SHANK2: variants seen among roughly 807,000 people sequenced by gnomAD.
The protein encoded by SHANK2 is SH3 and multiple ankyrin repeat domains 2, also known as SH3 and multiple ankyrin repeat domains protein 2.
Under a neutral mutation model 133.7 loss-of-function variants are expected in SHANK2, and 43 were observed. The observed-to-expected ratio is 0.32, with a 90% CI of 0.25 to 0.41. The LOEUF (loss-of-function observed/expected upper bound fraction) is 0.41, where lower values mean the gene tolerates loss of function less well. SHANK2 is among the 10% of genes least tolerant of loss of function. SHANK2 has a pLI of 1.00. For missense variants in SHANK2, 1,994 were observed against 2,235.8 expected, an observed-to-expected ratio of 0.89 and a Z score of 2.18; for synonymous variants, 1,017 against 952.8, an observed-to-expected ratio of 1.07 and a Z score of -1.24.
At chr11:70,823,948 G>A (rs1387325394) in intron 11 of SHANK2, among the ~76,000 whole-genome samples, 1 of 149,536 alleles carries the variant, frequency 6.7e-6, no homozygotes, top group African/African-American at 2.5e-5. Context: ...GAGCTCACAG[G>A]TACAGAGGTG....
rs558768320 is a variant in SHANK2 at position 70,580,247 on chromosome 11, G to T, written c.2062-77316C>A. Among the ~76,000 whole-genome samples the T allele has an allele frequency of 2.8e-4, 42 of 152,082 alleles. No homozygotes were observed. In the South Asian group the frequency reaches 7.9e-3, roughly 29 times the overall value. ...TTGGTCATTAATAAACAGGGGCGTG[G>T]GGTGGCTGGGCTGAGGCACAGCGCA... On this transcript the variant is annotated intron_variant, in intron 17 of 25. Coordinates refer to ENST00000601538, the MANE Select transcript of SHANK2 (RefSeq NM_012309.5).
chr11:70,727,304 G>T (rs1051029628), intron 14 of SHANK2, among the ~76,000 whole-genome samples: 1 of 152,230 alleles, frequency 6.6e-6, no homozygotes, highest in Non-Finnish European at 1.5e-5. Flanking sequence ...GAATAACCTG[G>T]AAGACAAAAT....
At position 71,212,695 on chromosome 11, in the gene SHANK2, G is replaced by C. The variant is rs527692528; in HGVS notation, c.-13+12002C>G. 1.2e-4 allele frequency among the ~76,000 whole-genome samples: 19 copies of C among 152,334 alleles called. No homozygotes were observed. In the East Asian group the frequency reaches 1.9e-3, roughly 15 times the overall value. On this transcript the variant is annotated intron_variant, in intron 2 of 25. Coordinates refer to ENST00000601538, the MANE Select transcript of SHANK2 (RefSeq NM_012309.5). ...CCCTGGATGAATAAACTCAATCCAA[G>C]TCCTCAAAGGGTTCCAGCAGTTTCC...
At chr11:70,643,801 T>C (rs991072413) in intron 17 of SHANK2, among the ~76,000 whole-genome samples, 7 of 152,086 alleles carry the variant, frequency 4.6e-5, no homozygotes, top group African/African-American at 1.4e-4. Flanking sequence ...TTTGCTCTCA[T>C]AGAGTTATGG....
At chr11:70,589,637 T>C (rs914225511) in intron 17 of SHANK2, among the ~76,000 whole-genome samples, 76 of 152,366 alleles carry the variant, frequency 5.0e-4, no homozygotes, top group African/African-American at 1.8e-3. Context: ...CCATAAATAG[T>C]GATTCCTCTG....
Position 70,949,611 on chromosome 11 carries a change from G to A in SHANK2, c.1108-53044C>T, listed in dbSNP as rs191529725. On this transcript the variant is annotated intron_variant, in intron 10 of 25. Transcript: ENST00000601538. Reference sequence around the variant, plus strand: ...TCCAGACTAGGGCACCAAGCCTCACGGTTGGAGTGTTTGCAGGGATCATGG... The same window carrying A: ...TCCAGACTAGGGCACCAAGCCTCACAGTTGGAGTGTTTGCAGGGATCATGG... Among the ~76,000 whole-genome samples the A allele has an allele frequency of 1.6e-3, 251 of 152,314 alleles. 3 individuals carry two copies. Among genetic ancestry groups the A allele is most frequent in the Admixed American group, 0.014 (217 of 15,308 alleles).
chr11:70,764,772 A>ACATC (rs1294735938), intron 14 of SHANK2, among the ~76,000 whole-genome samples: 1 of 148,264 alleles, frequency 6.7e-6, no homozygotes, highest in African/African-American at 2.5e-5. Context: ...ATCCACTCAC[A>ACATC]CATCCATCCA....
chr11:70,810,223 T>A (rs1036037297), intron 12 of SHANK2, among the ~76,000 whole-genome samples: 1 of 152,202 alleles, frequency 6.6e-6, no homozygotes, highest in Admixed American at 6.5e-5. Flanking sequence ...GGGGAGCTGA[T>A]GAACGCAACA....
rs1187329068 is a variant in SHANK2 at position 70,698,879 on chromosome 11, C to T, written c.1778-116G>A. ...CCTACTCCCCAAAATGTGAGATGCA[C>T]TGTCCTGGGGAAGAGTCTGGAGGAA... is the stretch of plus-strand genomic sequence containing the variant. On this transcript the variant is annotated intron_variant, in intron 14 of 25. Coordinates refer to ENST00000601538, the MANE Select transcript of SHANK2 (RefSeq NM_012309.5). 67 of 708,516 alleles carry T rather than the reference C, an allele frequency of 9.5e-5. No homozygotes were observed. In the Admixed American group the frequency reaches 1.3e-3, roughly 14 times the overall value. The allele number at this position is 708,516 out of a possible 1,614,324, so 43.9% of individuals were successfully genotyped here.
chr11:70,927,535 C>A, intron 10 of SHANK2, among the ~76,000 whole-genome samples: 1 of 152,096 alleles, frequency 6.6e-6, no homozygotes, highest in East Asian at 2.0e-4. Context: ...GAGCAGCCAT[C>A]TCCACAAGCA....
chr11:70,638,795 G>T (rs181320032), intron 17 of SHANK2, among the ~76,000 whole-genome samples: 1 of 151,964 alleles, frequency 6.6e-6, no homozygotes, highest in African/African-American at 2.4e-5. Context: ...TCAGGAGTTC[G>T]AGACCAACCT....
Position 71,091,361 on chromosome 11 carries a change from T to C in SHANK2, c.912+1061A>G, listed in dbSNP as rs147872313. ...AAGAAAGCCCAGGGAGGGCGGGGCC[T>C]GCTGGCACCCCCACTGCCCAGTCTG... On this transcript the variant is annotated intron_variant, in intron 8 of 25. Coordinates refer to ENST00000601538, the MANE Select transcript of SHANK2 (RefSeq NM_012309.5). 1.8e-3 allele frequency among the ~76,000 whole-genome samples: 269 copies of C among 152,274 alleles called. 3 individuals carry two copies. Among genetic ancestry groups the C allele is most frequent in the African/African-American group, 5.0e-3 (209 of 41,564 alleles).
rs185640644 is a variant in SHANK2 at position 71,234,163 on chromosome 11, T to C, written c.-112-9367A>G. Among the ~76,000 whole-genome samples the C allele has an allele frequency of 2.0e-3, 204 of 101,414 alleles. 3 individuals are homozygous for C. Among genetic ancestry groups the C allele is most frequent in the Admixed American group, 2.6e-3 (18 of 6,870 alleles). 66.5% of individuals were successfully genotyped at this position (101,414 alleles called of 152,430 possible). Reference sequence around the variant, plus strand: ...GGATTTGAGACCAGCCTGGCCAACATAGTGAAACTCCCTCTCTACTAAAAA... The same window carrying C: ...GGATTTGAGACCAGCCTGGCCAACACAGTGAAACTCCCTCTCTACTAAAAA... On this transcript the variant is annotated intron_variant, in intron 1 of 25. Transcript: ENST00000601538.
At chr11:70,773,348 T>C (rs1478640191) in intron 14 of SHANK2, among the ~76,000 whole-genome samples, 1 of 152,180 alleles carries the variant, frequency 6.6e-6, no homozygotes, top group Non-Finnish European at 1.5e-5. Flanking sequence ...TGCAGTATCA[T>C]AAGTCAGAAG....
chr11:71,153,252 C>T (rs551991415), intron 2 of SHANK2, among the ~76,000 whole-genome samples: 1 of 138,146 alleles, frequency 7.2e-6, no homozygotes, highest in Non-Finnish European at 1.5e-5. Context: ...CTCACCACCC[C>T]GGGGCAACCG....
intron 11 of SHANK2, among the ~76,000 whole-genome samples, chr11:70,822,741 T>C (rs1187829986): frequency 6.8e-4 from 29 of 42,888 alleles, no homozygotes; most frequent in East Asian, 1.5e-3. Context: ...GCAGAGGTCA[T>C]GGGGGACAGA....
chr11:70,611,554 T>G (rs2060657525), intron 17 of SHANK2, among the ~76,000 whole-genome samples: 1 of 152,166 alleles, frequency 6.6e-6, no homozygotes, highest in Non-Finnish European at 1.5e-5. Context: ...AAGGACAGAG[T>G]GACATGGGAC....
At chr11:70,822,595 G>T (rs1319714041) in intron 11 of SHANK2, among the ~76,000 whole-genome samples, 44 of 149,832 alleles carry the variant, frequency 2.9e-4, no homozygotes, top group Non-Finnish European at 5.8e-4. Context: ...ACGGGGGACA[G>T]AGGTGGCACT....
chr11:70,806,207 T>C (rs1045993300), intron 13 of SHANK2, among the ~76,000 whole-genome samples: 1 of 152,192 alleles, frequency 6.6e-6, no homozygotes, highest in Non-Finnish European at 1.5e-5. Flanking sequence ...GGCCCTCCAA[T>C]GGCAGGGCCC....
Sources: gnomAD v4.1 joint callset for allele counts (sites outside exome capture counted in the v4.1 genomes callset) on GRCh38, gnomAD v4.1.1 for gene constraint, MANE v1.5 for transcripts, NCBI Gene and HGNC (gene_info 2026-07-23, HGNC 2026-07-21) for gene names.